The following MYO5B variants were observed in gnomAD, a reference collection of about 807,000 sequenced individuals.
MYO5B encodes unconventional myosin-Vb.
Under a neutral mutation model 229.3 loss-of-function variants are expected in MYO5B, and 143 were observed. The observed-to-expected ratio is 0.62, with a 90% CI of 0.54 to 0.72. The LOEUF is 0.72. MYO5B is among the 30% of genes least tolerant of loss of function. The pLI, the probability that MYO5B is intolerant of heterozygous loss-of-function variation, is 0.00. For missense variants in MYO5B, 2,321 were observed against 2,331.0 expected, an observed-to-expected ratio of 1.00 and a Z score of 0.09; for synonymous variants, 918 against 885.2, an observed-to-expected ratio of 1.04 and a Z score of -0.66.
intron 4 of MYO5B, among the ~76,000 whole-genome samples, chr18:50,024,149 T>C (rs1262974331): frequency 6.6e-6 from 1 of 152,182 alleles, no homozygotes; most frequent in African/African-American, 2.4e-5. Context: ...AATAAAACTC[T>C]AGGAGCCCAA....
At chr18:49,862,789 G>C (rs1184877466) in intron 29 of MYO5B, among the ~76,000 whole-genome samples, 1 of 152,150 alleles carries the variant, frequency 6.6e-6, no homozygotes, top group East Asian at 1.9e-4. Flanking sequence ...GGTTCCATCT[G>C]TTCTGAATGA....
intron 1 of MYO5B, among the ~76,000 whole-genome samples, chr18:50,098,105 C>T (rs1328064128): frequency 6.6e-6 from 1 of 152,170 alleles, no homozygotes; most frequent in Non-Finnish European, 1.5e-5. Flanking sequence ...AAAGAATTCC[C>T]TTCGAAATAA....
intron 14 of MYO5B, among the ~76,000 whole-genome samples, chr18:49,945,963 C>G (rs2025367961): frequency 6.6e-6 from 1 of 152,178 alleles, no homozygotes; most frequent in South Asian, 2.1e-4. Context: ...AAGCAAAACA[C>G]TGGCTTATTA....
At chr18:49,847,757 C>T (rs565383721) in intron 32 of MYO5B, among the ~76,000 whole-genome samples, 3 of 152,350 alleles carry the variant, frequency 2.0e-5, no homozygotes, top group East Asian at 3.9e-4. Context: ...GTGGCCACAA[C>T]GTGGCCATCG....
chr18:50,046,127 C>T (rs2030218475), intron 2 of MYO5B, among the ~76,000 whole-genome samples: 2 of 152,174 alleles, frequency 1.3e-5, no homozygotes, highest in African/African-American at 4.8e-5. Context: ...AACAGGGTTA[C>T]CAGCTGGCAA....
At chr18:49,850,968 G>A (rs993960626) in intron 31 of MYO5B, 10 of 152,344 alleles carry the variant, frequency 6.6e-5, no homozygotes, top group Non-Finnish European at 1.3e-4. Flanking sequence ...TCGGGACCAG[G>A]ACGCTGGTAC....
intron 39 of MYO5B, among the ~76,000 whole-genome samples, chr18:49,831,263 C>T (rs757756692): frequency 2.6e-5 from 4 of 152,090 alleles, no homozygotes; most frequent in African/African-American, 9.7e-5. Context: ...AAAAAATATA[C>T]ATAGATTGGA....
At chr18:50,050,689 T>C (rs2030367740) in intron 2 of MYO5B, among the ~76,000 whole-genome samples, 2 of 152,220 alleles carry the variant, frequency 1.3e-5, no homozygotes, top group South Asian at 4.1e-4. Flanking sequence ...CTCCACACCT[T>C]GTCCTGTGAT....
intron 1 of MYO5B, among the ~76,000 whole-genome samples, chr18:50,092,437 T>C (rs1414428892): frequency 6.6e-6 from 1 of 152,156 alleles, no homozygotes; most frequent in Non-Finnish European, 1.5e-5. Flanking sequence ...ATAGCCATCC[T>C]GCTGCTGCTG....
At chr18:50,142,848 T>A (rs558201977) in intron 1 of MYO5B, among the ~76,000 whole-genome samples, 3 of 152,238 alleles carry the variant, frequency 2.0e-5, no homozygotes, top group African/African-American at 7.2e-5. Flanking sequence ...AGGCATACCA[T>A]GTGAAATCAC....
chr18:49,841,492 T>A, intron 34 of MYO5B, 38 bp from the exon 35 acceptor site: 1 of 1,560,278 alleles, frequency 6.4e-7, no homozygotes, highest in African/African-American at 1.4e-5. Flanking sequence ...TCTAAGTGGC[T>A]CCCATCTGGT....
chr18:49,981,279 GAAC>G (rs1470992306), intron 8 of MYO5B, among the ~76,000 whole-genome samples: 3 of 152,342 alleles, frequency 2.0e-5, no homozygotes, highest in Non-Finnish European at 2.9e-5. Flanking sequence ...AAAGACTACA[GAAC>G]AATAGAATGA....
intron 1 of MYO5B, among the ~76,000 whole-genome samples, chr18:50,080,679 T>C (rs2031198882): frequency 1.3e-5 from 2 of 152,270 alleles, no homozygotes; most frequent in Admixed American, 1.3e-4. Context: ...AGAGCCTCAA[T>C]GGAGTTATAC....
rs11875801 is a variant in MYO5B at position 49,844,030 on chromosome 18, G to A, written c.4460-638C>T. On this transcript the variant is annotated intron_variant, in intron 33 of 39. Transcript: ENST00000285039. Reference sequence around the variant, plus strand: ...GCTGCTTGGCATGCATCTCTCCAGCGGCTCTCTTACTTCCCCCAACTGCTC... The same window carrying A: ...GCTGCTTGGCATGCATCTCTCCAGCAGCTCTCTTACTTCCCCCAACTGCTC... 6.3e-3 allele frequency among the ~76,000 whole-genome samples: 966 copies of A among 152,234 alleles called. 18 individuals are homozygous for A. The highest frequency in any genetic ancestry group is 0.022 in the African/African-American group (920 of 41,542).
chr18:50,192,509 A>G (rs921123728), intron 1 of MYO5B, among the ~76,000 whole-genome samples: 11 of 152,210 alleles, frequency 7.2e-5, no homozygotes, highest in Non-Finnish European at 1.6e-4. Context: ...TAGAAGGCCA[A>G]ATGATGAAGA....
intron 4 of MYO5B, among the ~76,000 whole-genome samples, chr18:50,007,963 G>A (rs1012280599): frequency 6.6e-6 from 1 of 152,140 alleles, no homozygotes; most frequent in Non-Finnish European, 1.5e-5. Context: ...GTGAGACACT[G>A]AGCCCGGATT....
intron 4 of MYO5B, among the ~76,000 whole-genome samples, chr18:50,031,272 T>C (rs948256698): frequency 7.9e-5 from 12 of 152,262 alleles, no homozygotes; most frequent in African/African-American, 2.6e-4. Flanking sequence ...TCTGCCCATC[T>C]AGGGAGGTAG....
intron 38 of MYO5B, 77 bp from the exon 39 acceptor site, chr18:49,835,501 A>T: frequency 1.1e-6 from 1 of 900,120 alleles, no homozygotes; most frequent in Non-Finnish European, 1.9e-6. Flanking sequence ...AGAATATGTG[A>T]CATTGGTACA....
chr18:50,018,454 C>T (rs974880676), intron 4 of MYO5B, among the ~76,000 whole-genome samples: 2 of 152,146 alleles, frequency 1.3e-5, no homozygotes, highest in South Asian at 2.1e-4. Context: ...GAGAAGCCTT[C>T]GCAATCTTTA....
Sources: allele counts gnomAD v4.1 joint callset (sites outside exome capture counted in the v4.1 genomes callset), GRCh38; gene constraint gnomAD v4.1.1; transcripts MANE v1.5; gene names NCBI Gene and HGNC (gene_info 2026-07-23, HGNC 2026-07-21).